Variants in CACNA1E observed in about 807,000 individuals in gnomAD.
CACNA1E encodes the protein calcium voltage-gated channel subunit alpha1 E.
A neutral mutation model predicts 259.2 loss-of-function variants in CACNA1E; 40 were observed. The ratio of observed to expected loss-of-function variants is 0.15; its 90% CI spans 0.12 to 0.20. CACNA1E has a LOEUF of 0.20. Ranked by LOEUF, CACNA1E falls within the 10% of genes least tolerant of loss-of-function variation. The pLI is 1.00. For synonymous variants in CACNA1E, 1,104 were observed against 1,138.5 expected (o/e 0.97, Z 0.61); for missense variants, 1,874 against 3,040.1 (o/e 0.62, Z 9.02).
chr1:181,448,436 C>T (rs1220302791), intron 2 of CACNA1E, among the ~76,000 whole-genome samples: 3 of 152,228 alleles, frequency 2.0e-5, no homozygotes, highest in South Asian at 2.1e-4. Flanking sequence ...GACTCAAGCT[C>T]AGGTGGCTAA....
chr1:181,620,101 A>G (rs1655590899), intron 6 of CACNA1E, among the ~76,000 whole-genome samples: 1 of 152,192 alleles, frequency 6.6e-6, no homozygotes, highest in Non-Finnish European at 1.5e-5. Flanking sequence ...CATGAGTTTT[A>G]TTAGTATATG....
intron 7 of CACNA1E, among the ~76,000 whole-genome samples, chr1:181,697,295 C>G (rs1449939598): frequency 6.6e-6 from 1 of 152,234 alleles, no homozygotes; most frequent in African/African-American, 2.4e-5. Context: ...CTAGACCTAT[C>G]TGTGGTCAGA....
chr1:181,522,775 T>C (rs1197051417), intron 3 of CACNA1E, among the ~76,000 whole-genome samples: 2 of 152,172 alleles, frequency 1.3e-5, no homozygotes, highest in East Asian at 3.8e-4. Flanking sequence ...TGGAGACAGG[T>C]CACCCAGATG....
chr1:181,714,550 G>A (rs1350070327), intron 8 of CACNA1E, among the ~76,000 whole-genome samples: 1 of 152,064 alleles, frequency 6.6e-6, no homozygotes. Context: ...GGGAGTAGGG[G>A]GAGGCTGAAA....
intron 3 of CACNA1E, among the ~76,000 whole-genome samples, chr1:181,543,073 A>C (rs1315093645): frequency 6.6e-6 from 1 of 152,042 alleles, no homozygotes; most frequent in East Asian, 1.9e-4. Context: ...ATATTAGAGA[A>C]TACTCTGTAA....
intron 35 of CACNA1E, among the ~76,000 whole-genome samples, chr1:181,770,250 C>T (rs566766822): frequency 7.9e-5 from 12 of 152,098 alleles, no homozygotes; most frequent in South Asian, 2.1e-4. Flanking sequence ...CCAGTAAGTC[C>T]GCGATTGTCT....
chr1:181,486,765 T>C (rs1663854075), intron 1 of CACNA1E, among the ~76,000 whole-genome samples: 1 of 152,214 alleles, frequency 6.6e-6, no homozygotes, highest in Non-Finnish European at 1.5e-5. Flanking sequence ...TAGTTGTTAT[T>C]ATTAATGGCA....
chr1:181,596,146 C>T (rs1653134209), intron 6 of CACNA1E, among the ~76,000 whole-genome samples: 1 of 152,096 alleles, frequency 6.6e-6, no homozygotes. Context: ...AGAAACACAA[C>T]GTGGCTTATT....
chr1:181,655,027 A>C (rs1430013154), intron 7 of CACNA1E, among the ~76,000 whole-genome samples: 2 of 151,754 alleles, frequency 1.3e-5, no homozygotes, highest in African/African-American at 4.8e-5. Context: ...TCTTAAGAAC[A>C]TAGATTTTAG....
At position 181,549,145 on chromosome 1, in the gene CACNA1E, TG is replaced by T. The variant is rs1231170329; in HGVS notation, c.513-28619del. Among the ~76,000 whole-genome samples, 5 of 152,272 alleles carry T rather than the reference TG, an allele frequency of 3.3e-5. No homozygotes were observed. The South Asian group carries it at 6.2e-4, about 19-fold the overall frequency. On this transcript the variant is annotated intron_variant, in intron 3 of 47. Coordinates refer to ENST00000367573, the MANE Select transcript of CACNA1E (RefSeq NM_001205293.3). ...GGAAAGTAGCCTAAAGCCACAGGGA[TG>T]GTGAAGGAGTGGCGTCAGGATGGGC...
chr1:181,722,326 A>G (rs1376753635), intron 16 of CACNA1E, among the ~76,000 whole-genome samples: 1 of 152,208 alleles, frequency 6.6e-6, no homozygotes, highest in Non-Finnish European at 1.5e-5. Flanking sequence ...TATGTATTGT[A>G]TTTGGGCTAT....
At position 181,806,873 on chromosome 1, in the gene CACNA1E, G is replaced by A. The variant is rs891436173; in HGVS notation, c.*8039G>A. On this transcript the variant is annotated 3_prime_UTR_variant, in exon 48 of 48. Coordinates refer to ENST00000367573, the MANE Select transcript of CACNA1E (RefSeq NM_001205293.3). Reference sequence around the variant, plus strand: ...GGAGTGAAGCCTGCCAGGACCCTCAGGGTAAGCTGGCAGCAGGCTCTGCAG... The same window carrying A: ...GGAGTGAAGCCTGCCAGGACCCTCAAGGTAAGCTGGCAGCAGGCTCTGCAG... 6.6e-6 allele frequency: 1 copy of A among 152,194 alleles called. No homozygotes were observed. Among genetic ancestry groups the A allele is most frequent in the African/African-American group, 2.4e-5 (1 of 41,446 alleles). 9.4% of individuals were successfully genotyped at this position (152,194 alleles called of 1,614,324 possible).
At chr1:181,684,878 T>TTC (rs1553320689) in intron 7 of CACNA1E, among the ~76,000 whole-genome samples, 2 of 146,610 alleles carry the variant, frequency 1.4e-5, no homozygotes, top group Admixed American at 1.4e-4. Flanking sequence ...TTTAAATCCT[T>TTC]TTTTTTTTTT....
intron 2 of CACNA1E, among the ~76,000 whole-genome samples, chr1:181,468,761 T>G (rs562661795): frequency 6.1e-4 from 93 of 152,194 alleles, no homozygotes; most frequent in African/African-American, 2.1e-3. Flanking sequence ...TCTAAATAAT[T>G]TTTTGGCAGG....
At chr1:181,743,456 A>T (rs1250897442) in intron 25 of CACNA1E, among the ~76,000 whole-genome samples, 1 of 152,162 alleles carries the variant, frequency 6.6e-6, no homozygotes, top group Non-Finnish European at 1.5e-5. Flanking sequence ...ATTTCTGGGG[A>T]TCTGCACATG....
chr1:181,669,549 T>TTATAGTTATTTGTGTTATA (rs1368707468), intron 7 of CACNA1E, among the ~76,000 whole-genome samples: 2 of 152,200 alleles, frequency 1.3e-5, no homozygotes, highest in Admixed American at 1.3e-4. Flanking sequence ...TTACGTTATT[T>TTATAGTTATTTGTGTTATA]TATAGTTATT....
chr1:181,651,776 A>G (rs547114124), intron 7 of CACNA1E: 1 of 177,366 alleles, frequency 5.6e-6, no homozygotes, highest in South Asian at 1.5e-4. Context: ...TTAGGGAAAT[A>G]AAATTGAACT....
At chr1:181,569,307 T>C (rs1456432849) in intron 3 of CACNA1E, among the ~76,000 whole-genome samples, 1 of 152,194 alleles carries the variant, frequency 6.6e-6, no homozygotes, top group Non-Finnish European at 1.5e-5. Context: ...CTAAGCCTGA[T>C]GGCATCAAGG....
At chr1:181,409,305 C>G (rs1188233481) in intron 1 of CACNA1E, among the ~76,000 whole-genome samples, 1 of 152,176 alleles carries the variant, frequency 6.6e-6, no homozygotes, top group Non-Finnish European at 1.5e-5. Context: ...AATCCTTGCT[C>G]TAGAGAGTTT....
Sources: gnomAD v4.1 joint callset for allele counts (sites outside exome capture counted in the v4.1 genomes callset) on GRCh38, gnomAD v4.1.1 for gene constraint, MANE v1.5 for transcripts, NCBI Gene and HGNC (gene_info 2026-07-23, HGNC 2026-07-21) for gene names.